MACROD2: variants seen among roughly 807,000 people sequenced by gnomAD.
The protein encoded by MACROD2 is mono-ADP ribosylhydrolase 2.
MACROD2 carries 36 observed loss-of-function variants against 70.4 expected under a neutral mutation model. The observed-to-expected ratio is 0.51, with a 90% CI of 0.39 to 0.68. MACROD2 has a LOEUF of 0.68. Ranked by LOEUF, MACROD2 falls within the 30% of genes least tolerant of loss-of-function variation. The pLI is 0.00. For missense variants in MACROD2, 496 were observed against 538.4 expected (o/e 0.92, Z 0.78); for synonymous variants, 172 against 178.8 (o/e 0.96, Z 0.30).
chr20:15,496,558 G>C (rs1301652125), intron 7 of MACROD2, among the ~76,000 whole-genome samples: 1 of 152,174 alleles, frequency 6.6e-6, no homozygotes, highest in Non-Finnish European at 1.5e-5. Context: ...GTCTTCTAAA[G>C]GTGAATGTTA....
intron 15 of MACROD2, among the ~76,000 whole-genome samples, chr20:16,030,562 T>C (rs115217248): frequency 6.6e-6 from 1 of 151,982 alleles, no homozygotes; most frequent in Non-Finnish European, 1.5e-5. Flanking sequence ...AAGAGAAAGA[T>C]CCAAATTCCC....
chr20:15,266,912 T>C lies in MACROD2; in HGVS notation c.540+36851T>C, dbSNP rs192329681. 1.7e-3 allele frequency among the ~76,000 whole-genome samples: 258 copies of C among 152,304 alleles called. 2 individuals are homozygous for C. The highest frequency in any genetic ancestry group is 5.8e-3 in the African/African-American group (243 of 41,552). On this transcript the variant is annotated intron_variant, in intron 6 of 17. Coordinates refer to ENST00000684519, the MANE Select transcript of MACROD2 (RefSeq NM_001351661.2). ...AGACGCCCTTCGCACAAGCCTGTAT[T>C]CTAGAGGGCAGGGGCGCGGGGGGCA...
At chr20:14,746,906 C>A (rs1568772691) in intron 5 of MACROD2, among the ~76,000 whole-genome samples, 2 of 152,124 alleles carry the variant, frequency 1.3e-5, no homozygotes, top group Non-Finnish European at 2.9e-5. Context: ...ATTCTCATTG[C>A]AGTCAGTCCC....
At chr20:15,289,653 T>A (rs1247299478) in intron 6 of MACROD2, among the ~76,000 whole-genome samples, 1 of 152,186 alleles carries the variant, frequency 6.6e-6, no homozygotes, top group Non-Finnish European at 1.5e-5. Context: ...ATTTTATTAT[T>A]TTTTCTTTCT....
chr20:15,618,733 C>G (rs1255466566), intron 8 of MACROD2, among the ~76,000 whole-genome samples: 4 of 152,136 alleles, frequency 2.6e-5, no homozygotes, highest in African/African-American at 9.7e-5. Context: ...GGGGCAGAAG[C>G]CATCACAGGA....
intron 5 of MACROD2, among the ~76,000 whole-genome samples, chr20:14,805,439 T>C (rs1425065444): frequency 6.6e-6 from 1 of 152,098 alleles, no homozygotes; most frequent in Non-Finnish European, 1.5e-5. Flanking sequence ...GACAGTTCTA[T>C]GAGTAACCAG....
intron 4 of MACROD2, among the ~76,000 whole-genome samples, chr20:14,588,178 A>G (rs1981514377): frequency 6.6e-6 from 1 of 152,166 alleles, no homozygotes; most frequent in African/African-American, 2.4e-5. Flanking sequence ...ATCTTTGACC[A>G]TCCTTTCATT....
chr20:15,878,903 T>A (rs547085995), intron 9 of MACROD2, among the ~76,000 whole-genome samples: 10 of 152,234 alleles, frequency 6.6e-5, no homozygotes, highest in African/African-American at 2.4e-4. Flanking sequence ...ATATATTTTG[T>A]GATCAAAATA....
chr20:14,621,420 A>C (rs920311650), intron 4 of MACROD2, among the ~76,000 whole-genome samples: 3 of 152,124 alleles, frequency 2.0e-5, no homozygotes, highest in African/African-American at 7.2e-5. Flanking sequence ...TCAAGATAAA[A>C]AAGATAGGAA....
chr20:15,690,089 C>A (rs1295223891), intron 8 of MACROD2, among the ~76,000 whole-genome samples: 2 of 152,178 alleles, frequency 1.3e-5, no homozygotes, highest in East Asian at 1.9e-4. Flanking sequence ...ACCAGACTTA[C>A]ATTTATGAAA....
intron 3 of MACROD2, among the ~76,000 whole-genome samples, chr20:14,231,628 G>T (rs1011014747): frequency 6.6e-6 from 1 of 152,170 alleles, no homozygotes; most frequent in Non-Finnish European, 1.5e-5. Context: ...ATAGCAGCAT[G>T]ATTTATAATC....
chr20:15,385,237 T>C (rs1348645242), intron 6 of MACROD2, among the ~76,000 whole-genome samples: 1 of 152,170 alleles, frequency 6.6e-6, no homozygotes, highest in Non-Finnish European at 1.5e-5. Context: ...TTGAATAATT[T>C]TAAATTTAGC....
intron 6 of MACROD2, among the ~76,000 whole-genome samples, chr20:15,395,680 T>G (rs977829199): frequency 6.6e-6 from 1 of 152,176 alleles, no homozygotes; most frequent in African/African-American, 2.4e-5. Context: ...ATTAACATAT[T>G]TGACTAGCTC....
chr20:14,638,829 A>T (rs1181922011), intron 4 of MACROD2, among the ~76,000 whole-genome samples: 2 of 152,020 alleles, frequency 1.3e-5, no homozygotes, highest in East Asian at 3.9e-4. Flanking sequence ...ATGTGCCTGT[A>T]GTCCTAGCTA....
chr20:14,675,349 A>G (rs1402513703), intron 4 of MACROD2, among the ~76,000 whole-genome samples: 2 of 152,218 alleles, frequency 1.3e-5, no homozygotes, highest in Admixed American at 1.3e-4. Context: ...GACTAACAGC[A>G]GATCTCTCTG....
At chr20:14,624,447 G>T (rs1280997312) in intron 4 of MACROD2, among the ~76,000 whole-genome samples, 1 of 152,188 alleles carries the variant, frequency 6.6e-6, no homozygotes, top group Non-Finnish European at 1.5e-5. Flanking sequence ...AATCAGCCCT[G>T]CCACTAGAGT....
chr20:14,057,596 A>G (rs889714365), intron 2 of MACROD2, among the ~76,000 whole-genome samples: 2 of 152,164 alleles, frequency 1.3e-5, no homozygotes, highest in African/African-American at 2.4e-5. Context: ...GAAAATATAA[A>G]TTGTAAAAAT....
intron 5 of MACROD2, among the ~76,000 whole-genome samples, chr20:14,790,166 A>G (rs1030711705): frequency 6.6e-6 from 1 of 152,140 alleles, no homozygotes; most frequent in Non-Finnish European, 1.5e-5. Flanking sequence ...GTTTAGAAAT[A>G]AAAACTGCAT....
chr20:15,333,434 A>T (rs2078014737), intron 6 of MACROD2, among the ~76,000 whole-genome samples: 1 of 151,642 alleles, frequency 6.6e-6, no homozygotes. Flanking sequence ...TAGATTTTTG[A>T]AATGCAGAAT....
Sources: gnomAD v4.1 joint callset for allele counts (sites outside exome capture counted in the v4.1 genomes callset) on GRCh38, gnomAD v4.1.1 for gene constraint, MANE v1.5 for transcripts, NCBI Gene and HGNC (gene_info 2026-07-23, HGNC 2026-07-21) for gene names.